Variants in BTD observed in about 807,000 individuals in gnomAD.
The protein encoded by BTD is biocytinase.
In BTD, 13 loss-of-function variants were observed where a neutral mutation model predicts 17.7. That is an observed-to-expected ratio of 0.74 (90% CI 0.48 to 1.17). The LOEUF (loss-of-function observed/expected upper bound fraction) is 1.17, where lower values mean the gene tolerates loss of function less well. BTD is among the 50% of genes most tolerant of loss of function. BTD has a pLI of 0.00. For missense variants in BTD, 674 were observed against 650.4 expected (o/e 1.04, Z -0.39); for synonymous variants, 240 against 245.2 (o/e 0.98, Z 0.20).
At chr3:15,694,871 C>T in intron 3 of BTD, 1 of 1,494,328 alleles carries the variant, frequency 6.7e-7, no homozygotes, top group African/African-American at 1.4e-5. Flanking sequence ...ATTATTCTCT[C>T]CCACCCACCC....
intron 1 of BTD, among the ~76,000 whole-genome samples, chr3:15,603,530 G>T (rs955506825): frequency 6.6e-6 from 1 of 152,054 alleles, no homozygotes; most frequent in Non-Finnish European, 1.5e-5. Flanking sequence ...GGTGGCAGGC[G>T]CCTGTAATCC....
At chr3:15,663,821 TAATTC>T (rs1467514813) in intron 3 of BTD, among the ~76,000 whole-genome samples, 2 of 152,242 alleles carry the variant, frequency 1.3e-5, no homozygotes, top group Non-Finnish European at 2.9e-5. Context: ...TTTCTACTCT[TAATTC>T]TTGTCTTCTG....
chr3:15,701,647 A>AAAATAAATAAAT lies in BTD; in HGVS notation c.400-8401_400-8390dup, dbSNP rs373322435. Among the ~76,000 whole-genome samples the AAAATAAATAAAT allele has an allele frequency of 3.4e-3, 511 of 152,122 alleles. 7 individuals carry two copies. The highest frequency in any genetic ancestry group is 0.012 in the African/African-American group (494 of 41,396). On this transcript the variant is annotated intron_variant, in intron 3 of 3. Transcript: ENST00000672141. ...CAAGAAGATCAAAACTCCGTCTCAAAAAATAAATAAATAAATAAATAAAAT... is the reference window on the plus strand; with the variant it reads ...CAAGAAGATCAAAACTCCGTCTCAAAAAATAAATAAATAAATAAATAAATAAATAAATAAAAT...
chr3:15,703,705 T>C (rs1005988066), intron 3 of BTD, among the ~76,000 whole-genome samples: 1 of 152,212 alleles, frequency 6.6e-6, no homozygotes, highest in African/African-American at 2.4e-5. Flanking sequence ...AGAATTGTTA[T>C]TGCGAAGTTA....
chr3:15,676,054 T>TGGCTGTC, intron 3 of BTD: 2 of 1,356,844 alleles, frequency 1.5e-6, no homozygotes, highest in Non-Finnish European at 2.0e-6. Context: ...CATACACACC[T>TGGCTGTC]GGCTGTCAAA....
chr3:15,644,714 A>G lies in BTD; in HGVS notation c.798A>G (p.Lys266=), dbSNP rs760900130. ...LPLLAAIEIQ[K]AFAVAFGINV... is the part of the protein sequence containing the mutation. ...TCTTGGCAGCAATTGAGATTCAGAAAGCTTTTGCTGTTGCCTTTGGCATCA... is the reference window on the plus strand; with the variant it reads ...TCTTGGCAGCAATTGAGATTCAGAAGGCTTTTGCTGTTGCCTTTGGCATCA... The change falls in exon 4 of 4, where the codon AAA becomes AAG. Residue 266 remains lysine, a synonymous_variant. Transcript: ENST00000643237. 6.2e-6 allele frequency: 10 copies of G among 1,614,198 alleles called. No individual in the cohort carries two copies. The highest frequency in any genetic ancestry group is 3.3e-4 in the Middle Eastern group (2 of 6,062).
intron 3 of BTD, among the ~76,000 whole-genome samples, chr3:15,703,423 G>A (rs1268916274): frequency 6.6e-6 from 1 of 152,232 alleles, no homozygotes; most frequent in Non-Finnish European, 1.5e-5. Context: ...GCCTTTAGGA[G>A]GTGATTAGGT....
In BTD at chr3:15,602,182, G is replaced by A. The variant is rs111312650; in HGVS notation, c.-17+288G>A. On this transcript the variant is annotated intron_variant, in intron 1 of 3. Coordinates refer to ENST00000643237, the MANE Select transcript of BTD (RefSeq NM_001370658.1). ...ACGTTACTTAAATCCAGAAGCAGAT[G>A]TGTACCCCAGCAAGAGATAAAATGA... 9 of 1,400,474 alleles carry A rather than the reference G, an allele frequency of 6.4e-6. No individual in the cohort carries two copies. In the African/African-American group the frequency reaches 1.2e-4, roughly 18 times the overall value. 86.8% of individuals were successfully genotyped at this position (1,400,474 alleles called of 1,614,324 possible).
At chr3:15,669,259 A>G (rs535588393) in intron 3 of BTD, 1 of 152,330 alleles carries the variant, frequency 6.6e-6, no homozygotes, top group East Asian at 1.9e-4. Flanking sequence ...ATCAGAATAA[A>G]CAAAAAATCC....
At chr3:15,673,480 C>T (rs35606675) in intron 3 of BTD, among the ~76,000 whole-genome samples, 22,491 of 152,126 alleles carry the variant, frequency 0.15, 2,194 homozygotes, top group Non-Finnish European at 0.2. Flanking sequence ...TCTTGTGGAG[C>T]TTACATTCAC....
chr3:15,628,983 C>G lies in BTD; in HGVS notation c.-16-6441C>G, dbSNP rs1201509516. Among the ~76,000 whole-genome samples, 3 of 152,094 alleles carry G rather than the reference C, an allele frequency of 2.0e-5. No homozygotes were observed. The East Asian group carries it at 5.8e-4, about 29-fold the overall frequency. On this transcript the variant is annotated intron_variant, in intron 1 of 3. Transcript: ENST00000643237. ...TTCTTCAATGGTATTCCTGCCATAG[C>G]TAAGACAAGCACTGAGTCCTTTAAC...
rs1039103687 is a variant in BTD, at chr3:15,603,008, G to A, written c.-17+1114G>A. Reference sequence around the variant, plus strand: ...CTTACATGGTGGCAGGCAAGAGAGCGTGTGCAGGGGAACTGCCCTTTATAA... The same window carrying A: ...CTTACATGGTGGCAGGCAAGAGAGCATGTGCAGGGGAACTGCCCTTTATAA... On this transcript the variant is annotated intron_variant, in intron 1 of 3. Transcript: ENST00000643237. 2.2e-4 allele frequency among the ~76,000 whole-genome samples: 34 copies of A among 152,122 alleles called. 1 individual carries two copies. Among genetic ancestry groups the A allele is most frequent in the Non-Finnish European group, 4.4e-4 (30 of 68,014 alleles).
intron 3 of BTD, among the ~76,000 whole-genome samples, chr3:15,643,027 CAAA>C (rs200265982): frequency 3.0e-5 from 3 of 99,316 alleles, no homozygotes; most frequent in Non-Finnish European, 3.8e-5. Flanking sequence ...AACTCTGCCT[CAAA>C]AAAAAAAAAA....
At chr3:15,626,446 C>T (rs941126647) in intron 1 of BTD, among the ~76,000 whole-genome samples, 9 of 152,246 alleles carry the variant, frequency 5.9e-5, no homozygotes, top group South Asian at 2.1e-4. Context: ...CCAGCACCCT[C>T]AGGGAGCCCC....
chr3:15,716,250 A>G (rs942575523), downstream of BTD, among the ~76,000 whole-genome samples: 33 of 147,946 alleles, frequency 2.2e-4, no homozygotes, highest in South Asian at 1.1e-3. Context: ...CCAAAGTGCT[A>G]GGATTACAGG....
chr3:15,706,072 TG>T (rs200604907), intron 3 of BTD, among the ~76,000 whole-genome samples: 28 of 151,560 alleles, frequency 1.8e-4, no homozygotes, highest in Admixed American at 3.9e-4. Flanking sequence ...ATTTTTTTTT[TG>T]TGTGTGTGTG....
chr3:15,603,176 G>A (rs1347388528), intron 1 of BTD, among the ~76,000 whole-genome samples: 5 of 152,164 alleles, frequency 3.3e-5, no homozygotes, highest in Non-Finnish European at 7.3e-5. Flanking sequence ...ATTTGGATGA[G>A]GACACAGCCA....
At chr3:15,624,627 G>GT (rs76866577) in intron 1 of BTD, among the ~76,000 whole-genome samples, 36,272 of 142,212 alleles carry the variant, frequency 0.26, 4,508 homozygotes, top group Non-Finnish European at 0.27. Context: ...GTTGGCTGTT[G>GT]TTTTTTTTTT....
chr3:15,689,795 T>C, intron 3 of BTD: 1 of 484,130 alleles, frequency 2.1e-6, no homozygotes, highest in Admixed American at 3.4e-5. Context: ...TGTATTTAAG[T>C]TCCCTGAACA....
Sources: allele counts gnomAD v4.1 joint callset (sites outside exome capture counted in the v4.1 genomes callset), GRCh38; gene constraint gnomAD v4.1.1; transcripts MANE v1.5; gene names NCBI Gene and HGNC (gene_info 2026-07-23, HGNC 2026-07-21).